Variants in MAP3K3 observed in about 807,000 individuals in gnomAD.
MAP3K3 encodes mitogen-activated protein kinase kinase kinase 3.
MAP3K3 carries 12 observed loss-of-function variants against 80.9 expected under a neutral mutation model. The observed-to-expected ratio is 0.15, with a 90% confidence interval of 0.10 to 0.24. MAP3K3 has a LOEUF of 0.24. Among genes scored for constraint, MAP3K3 ranks in the 10% least tolerant of loss-of-function variants. The pLI is 1.00. For missense variants in MAP3K3, 596 were observed against 834.7 expected, an observed-to-expected ratio of 0.71 and a Z score of 3.52; for synonymous variants, 272 against 307.1, an observed-to-expected ratio of 0.89 and a Z score of 1.19.
intron 6 of MAP3K3, among the ~76,000 whole-genome samples, chr17:63,675,983 C>G (rs1480146655): frequency 5.3e-5 from 8 of 152,316 alleles, no homozygotes; most frequent in African/African-American, 1.9e-4. Context: ...ATCTCATTGG[C>G]TCCCAATTTC....
intron 8 of MAP3K3, 61 bp from the exon 9 acceptor site, chr17:63,688,466 C>G: frequency 7.5e-7 from 1 of 1,326,816 alleles, no homozygotes; most frequent in South Asian, 1.2e-5. Context: ...ACTGCCTGGA[C>G]GCCCTGCTTG....
intron 6 of MAP3K3, chr17:63,668,362 A>G (rs1308322464): frequency 1.3e-5 from 2 of 152,236 alleles, no homozygotes; most frequent in East Asian, 3.9e-4. Context: ...GAAAGTCTGT[A>G]TATGAATTTC....
chr17:63,641,525 C>A (rs984794678), intron 2 of MAP3K3, among the ~76,000 whole-genome samples: 1 of 152,026 alleles, frequency 6.6e-6, no homozygotes, highest in African/African-American at 2.4e-5. Context: ...ACAAGGCCAC[C>A]ACGCCCAGCC....
intron 5 of MAP3K3, among the ~76,000 whole-genome samples, chr17:63,664,270 A>AG (rs2034958151): frequency 2.1e-5 from 3 of 142,888 alleles, no homozygotes; most frequent in Admixed American, 6.8e-5. Context: ...AAAAAAAAAA[A>AG]GGGCTTTAAT....
chr17:63,651,247 G>A lies in MAP3K3; in HGVS notation c.168-1310G>A, dbSNP rs1598081965. Among the ~76,000 whole-genome samples the A allele has an allele frequency of 1.3e-5, 2 of 152,144 alleles. 1 individual carries two copies. Among genetic ancestry groups the A allele is most frequent in the African/African-American group, 4.8e-5 (2 of 41,438 alleles). ...ACCTATAATACCAGCACTTTGGAAG[G>A]CCGACGTGGGAGGATTGCCAGAGTT... is the stretch of plus-strand genomic sequence containing the variant. On this transcript the variant is annotated intron_variant, in intron 3 of 15. Transcript: ENST00000361733.
chr17:63,679,281 T>C (rs1005851516), intron 6 of MAP3K3, among the ~76,000 whole-genome samples: 1 of 152,130 alleles, frequency 6.6e-6, no homozygotes, highest in African/African-American at 2.4e-5. Flanking sequence ...TTTTCTTCCT[T>C]CTGAGGGTCT....
intron 1 of MAP3K3, among the ~76,000 whole-genome samples, chr17:63,625,879 C>G (rs968394610): frequency 2.6e-5 from 4 of 152,126 alleles, no homozygotes; most frequent in African/African-American, 4.8e-5. Context: ...CGAGAGCAGC[C>G]TGGGCAACAT....
At chr17:63,688,106 G>C (rs1162533668) in intron 8 of MAP3K3, 1 of 260,706 alleles carries the variant, frequency 3.8e-6, no homozygotes, top group Non-Finnish European at 7.5e-6. Flanking sequence ...CTACCTCACA[G>C]CGTTCTGAGG....
intron 6 of MAP3K3, 59 bp downstream of exon 6, chr17:63,667,119 G>C (rs2035016435): frequency 6.7e-7 from 1 of 1,492,440 alleles, no homozygotes; most frequent in East Asian, 2.4e-5. Flanking sequence ...TTTTAAAAAA[G>C]CAACAAGTAT....
intron 6 of MAP3K3, among the ~76,000 whole-genome samples, chr17:63,673,393 A>T (rs546001243): frequency 6.9e-6 from 1 of 144,240 alleles, no homozygotes; most frequent in South Asian, 2.1e-4. Flanking sequence ...CATGCTAAAC[A>T]AAACAGAAAC....
intron 5 of MAP3K3, among the ~76,000 whole-genome samples, chr17:63,658,453 G>A (rs1444660725): frequency 6.6e-6 from 1 of 152,174 alleles, no homozygotes; most frequent in South Asian, 2.1e-4. Flanking sequence ...TGTCAGAAGT[G>A]GGGAATTATC....
At chr17:63,669,618 C>A (rs1288252553) in intron 6 of MAP3K3, among the ~76,000 whole-genome samples, 1 of 152,084 alleles carries the variant, frequency 6.6e-6, no homozygotes, top group Non-Finnish European at 1.5e-5. Context: ...CCACTCCCTG[C>A]TAATTTTTGT....
chr17:63,688,292 A>G (rs2035503096), intron 8 of MAP3K3: 1 of 572,942 alleles, frequency 1.7e-6, no homozygotes, highest in Non-Finnish European at 3.1e-6. Flanking sequence ...GCCAGGCTGG[A>G]GTTGGGTCAG....
rs2035604013 is a variant in MAP3K3 at position 63,692,079 on chromosome 17, G to A, written c.1475-163G>A. On this transcript the variant is annotated intron_variant, in intron 14 of 15. Coordinates refer to ENST00000361733, the MANE Select transcript of MAP3K3 (RefSeq NM_002401.5). The surrounding 1 kb of genome is among the most constrained non-coding windows in gnomAD (Gnocchi z 4.5). Reference sequence around the variant, plus strand: ...TTGGAGATGGTCATTTTGTGCGGTAGATCTGAGACTCCCCTTTGCTAAATC... The same window carrying A: ...TTGGAGATGGTCATTTTGTGCGGTAAATCTGAGACTCCCCTTTGCTAAATC... 1.3e-5 allele frequency among the ~76,000 whole-genome samples: 2 copies of A among 152,174 alleles called. No homozygotes were observed.
intron 5 of MAP3K3, among the ~76,000 whole-genome samples, chr17:63,662,746 C>A (rs1229700354): frequency 1.4e-5 from 2 of 145,700 alleles, no homozygotes; most frequent in Non-Finnish European, 3.0e-5. Context: ...CAGCCTCCAT[C>A]TCCCGGGTTC....
chr17:63,636,943 C>T (rs1415775510), intron 2 of MAP3K3: 1 of 576,324 alleles, frequency 1.7e-6, no homozygotes, highest in South Asian at 1.6e-5. Context: ...GCTGGACGGG[C>T]TGGTCTAGGG....
At chr17:63,645,739 A>G (rs1249924125) in intron 2 of MAP3K3, among the ~76,000 whole-genome samples, 4 of 151,780 alleles carry the variant, frequency 2.6e-5, no homozygotes, top group Non-Finnish European at 4.4e-5. Context: ...TCCAGAGCCA[A>G]TTGTAGAAAT....
intron 6 of MAP3K3, among the ~76,000 whole-genome samples, chr17:63,680,821 A>G (rs2035316620): frequency 6.7e-6 from 1 of 149,170 alleles, no homozygotes; most frequent in African/African-American, 2.5e-5. Flanking sequence ...TTTTTTTAAG[A>G]TTTAAGTTCC....
chr17:63,689,866 A>G lies in MAP3K3; in HGVS notation c.1063+131A>G, dbSNP rs1421311717. On this transcript the variant is annotated intron_variant, in intron 11 of 15. Coordinates refer to ENST00000361733, the MANE Select transcript of MAP3K3 (RefSeq NM_002401.5). This position sits in a 1 kb window ranked among gnomAD's most constrained non-coding sequence, Gnocchi z 4.3. ...CTTTGGCCCAAATGCACCACATGGGATAAGCCTTGGAGTGTCTGAAGCCTG... is the reference window on the plus strand; with the variant it reads ...CTTTGGCCCAAATGCACCACATGGGGTAAGCCTTGGAGTGTCTGAAGCCTG... The G allele has an allele frequency of 1.2e-6, 1 of 815,988 alleles. No homozygotes were observed. Among genetic ancestry groups the G allele is most frequent in the Non-Finnish European group, 1.9e-6 (1 of 525,008 alleles). The allele number at this position is 815,988 out of a possible 1,614,324, so 50.5% of individuals were successfully genotyped here. A position where few individuals can be genotyped will look rare whatever the true frequency, so the allele number is the denominator to read the frequency against.
Sources: gnomAD v4.1 joint callset for allele counts (sites outside exome capture counted in the v4.1 genomes callset) on GRCh38, gnomAD v4.1.1 for gene constraint, Gnocchi (gnomAD v3.1) non-coding constraint, MANE v1.5 for transcripts, NCBI Gene and HGNC (gene_info 2026-07-23, HGNC 2026-07-21) for gene names.